The following GRB10 variants were observed in gnomAD, a reference collection of about 807,000 sequenced individuals.
GRB10 encodes the protein growth factor receptor bound protein 10.
Under a neutral mutation model 80.9 loss-of-function variants are expected in GRB10, and 20 were observed. That is an observed-to-expected ratio of 0.25 (90% CI 0.17 to 0.36). The LOEUF is 0.36. GRB10 is among the 10% of genes least tolerant of loss of function. The pLI is 1.00. For synonymous variants in GRB10, 291 were observed against 291.5 expected (o/e 1.00, Z 0.02); for missense variants, 548 against 747.7 (o/e 0.73, Z 3.12).
At chr7:50,708,932 C>G (rs919529625) in intron 4 of GRB10, among the ~76,000 whole-genome samples, 1 of 152,126 alleles carries the variant, frequency 6.6e-6, no homozygotes. Context: ...CCTTGGCCTC[C>G]CAAAGTGCTG....
intron 2 of GRB10, among the ~76,000 whole-genome samples, chr7:50,772,494 A>G (rs1241938779): frequency 2.0e-5 from 3 of 152,248 alleles, no homozygotes; most frequent in Admixed American, 6.5e-5. Context: ...CGAAATAGTG[A>G]AAGCTTTTCC....
At chr7:50,738,046 T>C (rs2071112328) in intron 3 of GRB10, among the ~76,000 whole-genome samples, 1 of 152,054 alleles carries the variant, frequency 6.6e-6, no homozygotes, top group Non-Finnish European at 1.5e-5. Flanking sequence ...GTTAGGGAAA[T>C]GCAAATCAGA....
At chr7:50,719,146 T>C (rs1388881507) in intron 4 of GRB10, among the ~76,000 whole-genome samples, 3 of 152,120 alleles carry the variant, frequency 2.0e-5, no homozygotes, top group East Asian at 1.9e-4. Flanking sequence ...TGCAGTGCTA[T>C]GGAATAAAAG....
intron 2 of GRB10, among the ~76,000 whole-genome samples, chr7:50,764,904 C>T (rs2076171264): frequency 1.3e-5 from 2 of 152,104 alleles, no homozygotes; most frequent in South Asian, 4.1e-4. Context: ...ATGAGAGAAA[C>T]TATTTGCAAA....
At chr7:50,731,660 G>A (rs1014713048) in intron 4 of GRB10, among the ~76,000 whole-genome samples, 1 of 152,214 alleles carries the variant, frequency 6.6e-6, no homozygotes, top group Non-Finnish European at 1.5e-5. Flanking sequence ...AGAAGATGAA[G>A]GGAACTTGCA....
Position 50,669,743 on chromosome 7 carries a change from C to A in GRB10, c.483G>T (p.Pro161=). 6.2e-7 allele frequency: 1 copy of A among 1,613,520 alleles called. No homozygotes were observed. The highest frequency in any genetic ancestry group is 8.5e-7 in the Non-Finnish European group (1 of 1,179,972). Residue 161 remains proline (P), a synonymous_variant, in exon 7 of 19, where the codon CCG becomes CCT. Transcript: ENST00000401949. The stretch of plus-strand genomic sequence containing the variant: ...TCACCTGCTTTGCGGCGGCCTGGCT[C>A]GGAGGTAAAGAACCCGGCGTGAGCA... ...PPVLTPGSLP[P]SQAAAKQDVK... is the part of the protein sequence containing the mutation.
At position 50,705,020 on chromosome 7, in the gene GRB10, G is replaced by T. The variant is rs35592820; in HGVS notation, c.52-1112C>A. The T allele has an allele frequency of 5.5e-3, 2,394 of 432,972 alleles. 178 individuals are homozygous for T. In the Admixed American group the frequency reaches 0.12, roughly 22 times the overall value. The allele number at this position is 432,972 out of a possible 1,614,324, so 26.8% of individuals were successfully genotyped here. A position where few individuals can be genotyped will look rare whatever the true frequency, so the allele number is the denominator to read the frequency against. ...AAGGTGCCCAAGCAGCAGGCCTTGG[G>T]AATGTGACTCTTAATTTCTGCCTGA... On this transcript the variant is annotated intron_variant, in intron 4 of 18. Coordinates refer to ENST00000401949, the MANE Select transcript of GRB10 (RefSeq NM_001350814.2).
rs181036660 is a variant in GRB10 at position 50,693,571 on chromosome 7, T to C, written c.139+10250A>G. On this transcript the variant is annotated intron_variant, in intron 5 of 18. Transcript: ENST00000401949. ...TTCCTCAAGTCAGGAGTTAAGTGTT[T>C]GTGTAGGATGTCTCCAACTGAGAGA... 9.0e-4 allele frequency among the ~76,000 whole-genome samples: 137 copies of C among 152,320 alleles called. 1 individual carries two copies. Among genetic ancestry groups the C allele is most frequent in the African/African-American group, 3.2e-3 (133 of 41,584 alleles).
At chr7:50,722,097 T>C (rs936254390) in intron 4 of GRB10, among the ~76,000 whole-genome samples, 7 of 152,176 alleles carry the variant, frequency 4.6e-5, no homozygotes, top group Admixed American at 3.9e-4. Context: ...CTCTCCTGTC[T>C]CTCCTGCACC....
chr7:50,619,070 A>G (rs2051174273), intron 9 of GRB10, 100 bp downstream of exon 9: 2 of 742,924 alleles, frequency 2.7e-6, no homozygotes, highest in Admixed American at 2.0e-5. Flanking sequence ...ATGCTACACC[A>G]TGCCTCTCAG....
upstream of GRB10, among the ~76,000 whole-genome samples, chr7:50,785,608 C>T (rs2078660955): frequency 6.6e-6 from 1 of 152,246 alleles, no homozygotes; most frequent in East Asian, 1.9e-4. Context: ...ACATGTGGAA[C>T]CATTGGCTTC....
chr7:50,655,512 C>G (rs1320274958), intron 7 of GRB10, among the ~76,000 whole-genome samples: 1 of 152,144 alleles, frequency 6.6e-6, no homozygotes, highest in Non-Finnish European at 1.5e-5. Flanking sequence ...TATGAGAAAT[C>G]AATAAATCAC....
intron 3 of GRB10, among the ~76,000 whole-genome samples, chr7:50,750,446 G>A (rs986345020): frequency 1.3e-5 from 2 of 152,142 alleles, no homozygotes; most frequent in Non-Finnish European, 2.9e-5. Flanking sequence ...AGGTGCGCAC[G>A]CGGAGATATC....
At chr7:50,744,579 G>A (rs1048212908) in intron 3 of GRB10, among the ~76,000 whole-genome samples, 2 of 152,124 alleles carry the variant, frequency 1.3e-5, no homozygotes, top group African/African-American at 2.4e-5. Context: ...TGTATTCTTA[G>A]AATAAAGTAA....
At chr7:50,663,498 A>G (rs1229233684) in intron 7 of GRB10, among the ~76,000 whole-genome samples, 1 of 152,172 alleles carries the variant, frequency 6.6e-6, no homozygotes, top group Non-Finnish European at 1.5e-5. Context: ...TCTCACAGGG[A>G]TAATGGCATC....
rs545099632 is a variant in GRB10, at chr7:50,720,043, T to C, written c.51+12229A>G. ...CTCTCAACAAACACCAGAGAACCCC[T>C]AGCAGAGCTGCAGGCTGAAGCCCAT... On this transcript the variant is annotated intron_variant, in intron 4 of 18. Transcript: ENST00000401949. 2.6e-5 allele frequency among the ~76,000 whole-genome samples: 4 copies of C among 152,234 alleles called. No individual in the cohort carries two copies. In the South Asian group the frequency reaches 8.3e-4, roughly 32 times the overall value.
At chr7:50,785,026 C>T (rs533759049), upstream of GRB10, among the ~76,000 whole-genome samples, 2 of 152,254 alleles carry the variant, frequency 1.3e-5, no homozygotes, top group South Asian at 2.1e-4. Flanking sequence ...TCAGCAGACA[C>T]AGCCATGCCT....
At chr7:50,775,755 C>T (rs2077565308) in intron 2 of GRB10, among the ~76,000 whole-genome samples, 1 of 152,216 alleles carries the variant, frequency 6.6e-6, no homozygotes, top group Non-Finnish European at 1.5e-5. Flanking sequence ...GCCATGCATC[C>T]ACAGCTCTTG....
intron 7 of GRB10, among the ~76,000 whole-genome samples, chr7:50,633,491 C>T (rs970225320): frequency 3.9e-5 from 6 of 152,148 alleles, no homozygotes; most frequent in African/African-American, 1.4e-4. Flanking sequence ...AACACAAGAA[C>T]TCCAGCTCCA....
Sources: allele counts gnomAD v4.1 joint callset (sites outside exome capture counted in the v4.1 genomes callset), GRCh38; gene constraint gnomAD v4.1.1; transcripts MANE v1.5; gene names NCBI Gene and HGNC (gene_info 2026-07-23, HGNC 2026-07-21).